Variants in GAS7 observed in about 807,000 individuals in gnomAD.
The protein encoded by GAS7 is growth arrest specific 7.
GAS7 carries 28 observed loss-of-function variants against 71.1 expected under a neutral mutation model. The ratio of observed to expected loss-of-function variants is 0.39; its 90% CI spans 0.29 to 0.54. The LOEUF is 0.54. GAS7 is among the 20% of genes least tolerant of loss of function. The probability of loss-of-function intolerance (pLI) is 0.62; values close to 1 mark genes in which losing one functional copy is unlikely to be tolerated. For missense variants in GAS7, 436 were observed against 627.8 expected, an observed-to-expected ratio of 0.69 and a Z score of 3.27; for synonymous variants, 258 against 245.8, an observed-to-expected ratio of 1.05 and a Z score of -0.46.
intron 1 of GAS7, among the ~76,000 whole-genome samples, chr17:10,131,089 C>T (rs770508651): frequency 1.3e-5 from 2 of 152,190 alleles, no homozygotes; most frequent in Non-Finnish European, 2.9e-5. Flanking sequence ...AAGCCAAGGC[C>T]ACGACTACTT....
chr17:10,119,442 G>C (rs1468755337), intron 1 of GAS7, among the ~76,000 whole-genome samples: 1 of 152,224 alleles, frequency 6.6e-6, no homozygotes, highest in Non-Finnish European at 1.5e-5. Flanking sequence ...ACTAATTATA[G>C]AAAGGTTAGA....
At chr17:9,924,307 ATT>A (rs1801268851) in intron 11 of GAS7, among the ~76,000 whole-genome samples, 1 of 152,056 alleles carries the variant, frequency 6.6e-6, no homozygotes, top group Non-Finnish European at 1.5e-5. Flanking sequence ...TGAGTAGCTG[ATT>A]CTACAGGCAT....
chr17:9,927,720 G>T (rs1207745162), intron 9 of GAS7, among the ~76,000 whole-genome samples: 1 of 152,152 alleles, frequency 6.6e-6, no homozygotes, highest in African/African-American at 2.4e-5. Flanking sequence ...CAATTAGAAG[G>T]TCTCAGGTCA....
intron 1 of GAS7, among the ~76,000 whole-genome samples, chr17:10,073,320 G>A (rs16959279): frequency 0.029 from 4,441 of 152,236 alleles, 226 homozygotes; most frequent in African/African-American, 0.1. Flanking sequence ...GGCCTGTTTC[G>A]GGATGCACAG....
At chr17:10,068,244 C>G (rs1001647908) in intron 1 of GAS7, among the ~76,000 whole-genome samples, 2 of 152,118 alleles carry the variant, frequency 1.3e-5, no homozygotes, top group African/African-American at 4.8e-5. Context: ...TCCTTCAGGG[C>G]GCTTCCCTAA....
intron 1 of GAS7, among the ~76,000 whole-genome samples, chr17:10,113,803 A>G (rs1179515591): frequency 3.9e-5 from 6 of 152,018 alleles, no homozygotes; most frequent in Admixed American, 3.9e-4. Context: ...CCAACTTTTC[A>G]CTCTACGTTT....
intron 1 of GAS7, among the ~76,000 whole-genome samples, chr17:10,082,876 C>A (rs2073473492): frequency 6.6e-6 from 1 of 152,160 alleles, no homozygotes; most frequent in Admixed American, 6.6e-5. Context: ...GCAAAAGAAG[C>A]CACATTCAAG....
intron 1 of GAS7, among the ~76,000 whole-genome samples, chr17:10,137,155 C>G (rs1045735196): frequency 2.0e-5 from 3 of 152,074 alleles, no homozygotes; most frequent in South Asian, 2.1e-4. Context: ...AATACTCTCC[C>G]TCTCCTACCT....
intron 1 of GAS7, among the ~76,000 whole-genome samples, chr17:10,193,260 CA>C (rs57261260): frequency 0.1 from 11,590 of 113,366 alleles, 585 homozygotes; most frequent in Admixed American, 0.14. Flanking sequence ...CCTCTAGAGT[CA>C]AAAAAAAAAA....
intron 1 of GAS7, among the ~76,000 whole-genome samples, chr17:10,049,424 T>C (rs1443057249): frequency 6.6e-6 from 1 of 151,964 alleles, no homozygotes; most frequent in Non-Finnish European, 1.5e-5. Flanking sequence ...ATATGGAAAA[T>C]AGCACTCCCT....
chr17:10,144,801 A>T (rs1462721016), intron 1 of GAS7, among the ~76,000 whole-genome samples: 1 of 151,942 alleles, frequency 6.6e-6, no homozygotes, highest in Non-Finnish European at 1.5e-5. Context: ...TCCCACCTTG[A>T]CCTCCCAAAG....
At position 10,180,046 on chromosome 17, in the gene GAS7, T is replaced by TA. The variant is rs2074402213; in HGVS notation, c.183+18161dup. 1.3e-5 allele frequency among the ~76,000 whole-genome samples: 2 copies of TA among 152,094 alleles called. 1 individual carries two copies. The highest frequency in any genetic ancestry group is 4.2e-4 in the South Asian group (2 of 4,818). ...GGGCCTTATTATTCCCACTTAAAGA[T>TA]ACGGAAACTAATGGCTGGGCGTGGT... On this transcript the variant is annotated intron_variant, in intron 1 of 13. Transcript: ENST00000432992.
At chr17:10,175,240 ACTGTCC>A (rs1311260655) in intron 1 of GAS7, among the ~76,000 whole-genome samples, 2 of 124,502 alleles carry the variant, frequency 1.6e-5, no homozygotes, top group East Asian at 4.5e-4. Flanking sequence ...GGACAAGCAA[ACTGTCC>A]CTAGGTCCCT....
chr17:10,038,926 G>A (rs2072810715), intron 1 of GAS7, among the ~76,000 whole-genome samples: 1 of 152,134 alleles, frequency 6.6e-6, no homozygotes, highest in Non-Finnish European at 1.5e-5. Flanking sequence ...ATTATGCTCA[G>A]TGCAACAGCC....
chr17:10,083,636 A>G (rs1386358022), intron 1 of GAS7, among the ~76,000 whole-genome samples: 2 of 152,258 alleles, frequency 1.3e-5, no homozygotes, highest in African/African-American at 4.8e-5. Context: ...GAGGACAGAG[A>G]AGAATTTTAT....
chr17:10,158,080 G>C (rs896540723), intron 1 of GAS7, among the ~76,000 whole-genome samples: 1 of 152,064 alleles, frequency 6.6e-6, no homozygotes, highest in Non-Finnish European at 1.5e-5. Context: ...GCACAATCTC[G>C]GCTCACTGCA....
chr17:10,155,077 C>T (rs887471853), intron 1 of GAS7, among the ~76,000 whole-genome samples: 16 of 151,914 alleles, frequency 1.1e-4, no homozygotes, highest in South Asian at 2.1e-4. Flanking sequence ...TGCAGTGGCA[C>T]GATCTCGGCT....
rs11867947 is a variant in GAS7, at chr17:10,191,170, C to T, written c.183+7038G>A. ...AGCCTGGGCAACGAGAGCGGAACTC[C>T]GTCTCAAAAAAAAAAAAAGAAAGTT... On this transcript the variant is annotated intron_variant, in intron 1 of 13. Coordinates refer to ENST00000432992, the MANE Select transcript of GAS7 (RefSeq NM_201433.2). Among the ~76,000 whole-genome samples the T allele has an allele frequency of 4.9e-3, 693 of 141,420 alleles. 8 individuals carry two copies. The highest frequency in any genetic ancestry group is 0.017 in the African/African-American group (655 of 38,408). 92.8% of individuals were successfully genotyped at this position (141,420 alleles called of 152,430 possible).
At chr17:10,175,588 G>A (rs571922378) in intron 1 of GAS7, among the ~76,000 whole-genome samples, 4 of 125,992 alleles carry the variant, frequency 3.2e-5, no homozygotes, top group South Asian at 5.5e-4. Flanking sequence ...CCTAATGACC[G>A]CATTTTATTT....
Sources: gnomAD v4.1 joint callset for allele counts (sites outside exome capture counted in the v4.1 genomes callset) on GRCh38, gnomAD v4.1.1 for gene constraint, MANE v1.5 for transcripts, NCBI Gene and HGNC (gene_info 2026-07-23, HGNC 2026-07-21) for gene names.